ERBB4: variants seen among roughly 807,000 people sequenced by gnomAD.
ERBB4 encodes the protein receptor tyrosine-protein kinase erbB-4.
Under a neutral mutation model 158.0 loss-of-function variants are expected in ERBB4, and 42 were observed. The observed-to-expected ratio is 0.27, with a 90% CI of 0.21 to 0.34. The LOEUF (loss-of-function observed/expected upper bound fraction) is 0.34. ERBB4 is among the 10% of genes least tolerant of loss of function. ERBB4 has a pLI of 1.00. For missense variants in ERBB4, 1,333 were observed against 1,624.1 expected (o/e 0.82, Z 3.08); for synonymous variants, 583 against 558.7 (o/e 1.04, Z -0.61).
chr2:211,432,015 G>T (rs2063756691), intron 20 of ERBB4, among the ~76,000 whole-genome samples: 1 of 152,034 alleles, frequency 6.6e-6, no homozygotes, highest in Non-Finnish European at 1.5e-5. Flanking sequence ...TTTAACAAAA[G>T]AACTTATGTA....
rs1460465964 is a variant in ERBB4, at chr2:211,376,719, T to A, written c.*6896A>T. ...ATAAGATGAATGTTTGAGAGTAGATTTAAGATGACTTTTTTTGTGCTATGA... is the reference window on the plus strand; with the variant it reads ...ATAAGATGAATGTTTGAGAGTAGATATAAGATGACTTTTTTTGTGCTATGA... On this transcript the variant is annotated 3_prime_UTR_variant, in exon 28 of 28. Coordinates refer to ENST00000342788, the MANE Select transcript of ERBB4 (RefSeq NM_005235.3). The A allele has an allele frequency of 4.3e-6, 1 of 233,034 alleles. No homozygotes were observed. Among genetic ancestry groups the A allele is most frequent in the African/African-American group, 2.2e-5 (1 of 45,306 alleles). 14.4% of individuals were successfully genotyped at this position (233,034 alleles called of 1,614,324 possible).
intron 3 of ERBB4, among the ~76,000 whole-genome samples, chr2:211,842,657 T>C (rs1053654735): frequency 2.0e-5 from 3 of 152,146 alleles, no homozygotes; most frequent in Non-Finnish European, 2.9e-5. Context: ...GAATAGTCTT[T>C]GAAATTAGAA....
At chr2:212,080,650 T>G (rs768122952) in intron 2 of ERBB4, among the ~76,000 whole-genome samples, 3 of 146,088 alleles carry the variant, frequency 2.1e-5, no homozygotes, top group Non-Finnish European at 4.5e-5. Context: ...GCGACAAAGT[T>G]TTATCTCATT....
intron 20 of ERBB4, among the ~76,000 whole-genome samples, chr2:211,513,140 A>G (rs537485166): frequency 6.6e-6 from 1 of 152,132 alleles, no homozygotes; most frequent in Non-Finnish European, 1.5e-5. Flanking sequence ...GTTTAAAAAA[A>G]AAAGAAAAAA....
At chr2:212,170,880 G>A (rs570272642) in intron 1 of ERBB4, among the ~76,000 whole-genome samples, 1 of 152,248 alleles carries the variant, frequency 6.6e-6, no homozygotes, top group South Asian at 2.1e-4. Context: ...CTCTGCTAGG[G>A]CAGTGTGAAA....
intron 1 of ERBB4, among the ~76,000 whole-genome samples, chr2:212,395,549 G>A (rs188279280): frequency 1.9e-4 from 29 of 150,948 alleles, no homozygotes; most frequent in Admixed American, 2.0e-4. Flanking sequence ...TATGCTTACC[G>A]CTATGTGTTA....
At position 212,480,331 on chromosome 2, in the gene ERBB4, C is replaced by A. The variant is rs538274955; in HGVS notation, c.82+58118G>T. On this transcript the variant is annotated intron_variant, in intron 1 of 27. Transcript: ENST00000342788. ...TAAAAAGCTTGGCACATTGAAAAAA[C>A]CAAAAAGAGGCCAGTGTGGCTGTAG... 2.1e-3 allele frequency among the ~76,000 whole-genome samples: 326 copies of A among 152,062 alleles called. 1 individual carries two copies. The highest frequency in any genetic ancestry group is 3.7e-3 in the Non-Finnish European group (254 of 67,958).
chr2:211,385,984 G>C (rs370816253), intron 27 of ERBB4, among the ~76,000 whole-genome samples: 1 of 152,042 alleles, frequency 6.6e-6, no homozygotes, highest in South Asian at 2.1e-4. Context: ...ATTTTAAAAG[G>C]TTATTTACAA....
At chr2:212,451,712 T>C (rs1189938510) in intron 1 of ERBB4, among the ~76,000 whole-genome samples, 3 of 152,200 alleles carry the variant, frequency 2.0e-5, no homozygotes, top group African/African-American at 7.2e-5. Flanking sequence ...CTTCAAATAT[T>C]ATTAACTCTA....
At chr2:212,038,252 GTC>G (rs774814865) in intron 2 of ERBB4, among the ~76,000 whole-genome samples, 45 of 151,848 alleles carry the variant, frequency 3.0e-4, no homozygotes, top group Non-Finnish European at 3.5e-4. Flanking sequence ...TTATATATTA[GTC>G]TCTTTATTTA....
intron 1 of ERBB4, among the ~76,000 whole-genome samples, chr2:212,211,918 T>C (rs2082948885): frequency 6.7e-6 from 1 of 148,996 alleles, no homozygotes; most frequent in Non-Finnish European, 1.5e-5. Flanking sequence ...CAACATAGTA[T>C]TCCATGTTGT....
At chr2:212,118,786 G>A (rs138514436) in intron 2 of ERBB4, among the ~76,000 whole-genome samples, 157 of 151,944 alleles carry the variant, frequency 1.0e-3, no homozygotes, top group African/African-American at 3.2e-3. Flanking sequence ...ATATAGCTCT[G>A]CCAAATATAT....
rs1228471816 is a variant in ERBB4 at position 212,318,132 on chromosome 2, T to G, written c.83-193229A>C. ...GTTTACAAATTCAGTAAACTGAGTC[T>G]CAGAAGTATTATATAAATTGCCAAG... is the stretch of plus-strand genomic sequence containing the variant. On this transcript the variant is annotated intron_variant, in intron 1 of 27. Transcript: ENST00000342788. Among the ~76,000 whole-genome samples the G allele has an allele frequency of 4.6e-5, 7 of 151,534 alleles. No homozygotes were observed. The East Asian group carries it at 1.4e-3, about 30-fold the overall frequency.
chr2:211,988,446 G>A (rs1227736656), intron 2 of ERBB4, among the ~76,000 whole-genome samples: 1 of 152,122 alleles, frequency 6.6e-6, no homozygotes, highest in East Asian at 1.9e-4. Context: ...TATATAGTAA[G>A]TGTTTAGTAA....
intron 24 of ERBB4, 104 bp downstream of exon 24, chr2:211,421,903 A>G (rs2063522208): frequency 1.3e-6 from 1 of 764,300 alleles, no homozygotes; most frequent in East Asian, 2.6e-5. Context: ...TAATTAATCA[A>G]CATGTTTGTG....
intron 12 of ERBB4, among the ~76,000 whole-genome samples, chr2:211,694,271 G>A (rs145737654): frequency 6.6e-6 from 1 of 152,054 alleles, no homozygotes; most frequent in Non-Finnish European, 1.5e-5. Context: ...ATAATTATAA[G>A]TTTTACTTTA....
At chr2:212,408,443 C>T (rs1355678952) in intron 1 of ERBB4, among the ~76,000 whole-genome samples, 1 of 152,162 alleles carries the variant, frequency 6.6e-6, no homozygotes, top group East Asian at 1.9e-4. Context: ...GGTTCCCAAA[C>T]ATTGCCATAT....
At chr2:212,447,514 T>A (rs1156332456) in intron 1 of ERBB4, among the ~76,000 whole-genome samples, 1 of 152,236 alleles carries the variant, frequency 6.6e-6, no homozygotes, top group Non-Finnish European at 1.5e-5. Context: ...AACATGTTTT[T>A]CATAAACATT....
intron 1 of ERBB4, among the ~76,000 whole-genome samples, chr2:212,447,239 C>T (rs1366396699): frequency 1.3e-5 from 2 of 151,862 alleles, no homozygotes; most frequent in Admixed American, 1.3e-4. Flanking sequence ...CCTTGTGATT[C>T]GTGCACCTCG....
Sources: allele counts gnomAD v4.1 joint callset (sites outside exome capture counted in the v4.1 genomes callset), GRCh38; gene constraint gnomAD v4.1.1; transcripts MANE v1.5; gene names NCBI Gene and HGNC (gene_info 2026-07-23, HGNC 2026-07-21).